SERPINA12: variants seen among roughly 807,000 people sequenced by gnomAD.
SERPINA12 encodes the protein serpin A12.
In SERPINA12, 21 loss-of-function variants were observed where a neutral mutation model predicts 25.9. That is an observed-to-expected ratio of 0.81 (90% CI 0.58 to 1.17). The LOEUF (loss-of-function observed/expected upper bound fraction) is 1.17, where lower values mean the gene tolerates loss of function less well. Ranked by LOEUF, SERPINA12 falls within the 50% of genes most tolerant of loss-of-function variation. SERPINA12 has a pLI of 0.00. For missense variants in SERPINA12, 562 were observed against 508.3 expected (o/e 1.11, Z -1.02); for synonymous variants, 220 against 196.0 (o/e 1.12, Z -1.02).
intron 3 of SERPINA12, among the ~76,000 whole-genome samples, chr14:94,491,385 T>C (rs560458555): frequency 1.3e-5 from 2 of 152,276 alleles, no homozygotes; most frequent in African/African-American, 4.8e-5. Flanking sequence ...GGGTTTTTTT[T>C]CCTGAATAAA....
At chr14:94,495,847 A>C (rs1003220760) in intron 3 of SERPINA12, among the ~76,000 whole-genome samples, 1 of 152,184 alleles carries the variant, frequency 6.6e-6, no homozygotes, top group Non-Finnish European at 1.5e-5. Context: ...GCCTGGGAGG[A>C]ATTCTGTAGG....
chr14:94,501,357 C>A (rs1261630653), intron 1 of SERPINA12, among the ~76,000 whole-genome samples: 1 of 152,086 alleles, frequency 6.6e-6, no homozygotes, highest in Non-Finnish European at 1.5e-5. Context: ...CAGGGCAGGG[C>A]TGGAGCAGGG....
Position 94,498,386 on chromosome 14 carries a change from T to G in SERPINA12, c.12A>C (p.Thr4=), listed in dbSNP as rs757255316. The G allele has an allele frequency of 1.2e-6, 2 of 1,613,022 alleles. No individual in the cohort carries two copies. Among genetic ancestry groups the G allele is most frequent in the Non-Finnish European group, 8.5e-7 (1 of 1,179,480 alleles). MNP[T]LGLAIFLAVL... is the part of the protein sequence containing the mutation. Reference sequence around the variant, plus strand: ...CAGCCAGAAAAATGGCCAGGCCTAGTGTGGGGTTCATTTTCCTTGAAGAAT... The same window carrying G: ...CAGCCAGAAAAATGGCCAGGCCTAGGGTGGGGTTCATTTTCCTTGAAGAAT... The change falls in exon 2 of 5, where the codon ACA becomes ACC. Residue 4 remains threonine, a synonymous_variant. Transcript: ENST00000677451.
chr14:94,507,023 G>A (rs1215785288), intron 1 of SERPINA12, among the ~76,000 whole-genome samples: 4 of 152,228 alleles, frequency 2.6e-5, no homozygotes, highest in Admixed American at 6.5e-5. Flanking sequence ...TATGTGACAA[G>A]GGCATCGCTA....
At chr14:94,512,672 C>T (rs1901140588), upstream of SERPINA12, among the ~76,000 whole-genome samples, 1 of 152,072 alleles carries the variant, frequency 6.6e-6, no homozygotes, top group Admixed American at 6.5e-5. Context: ...TCAAATGAAA[C>T]ATGTGTTATC....
intron 2 of SERPINA12, 24 bp from the exon 3 acceptor site, chr14:94,496,667 G>A: frequency 6.2e-7 from 1 of 1,608,742 alleles, no homozygotes; most frequent in Non-Finnish European, 8.5e-7. Flanking sequence ...AAGACAAACA[G>A]ACATGTTATC....
chr14:94,493,389 GA>G (rs1202814668), intron 3 of SERPINA12, among the ~76,000 whole-genome samples: 1 of 152,230 alleles, frequency 6.6e-6, no homozygotes, highest in Admixed American at 6.5e-5. Context: ...GGGTAGGCAA[GA>G]CATCCCTGGG....
At chr14:94,517,189 ATG>A (rs1566817955) in intron 1 of SERPINA12, among the ~76,000 whole-genome samples, 5 of 149,330 alleles carry the variant, frequency 3.3e-5, no homozygotes, top group Non-Finnish European at 7.6e-5. Flanking sequence ...CAGTGGGACC[ATG>A]TGTAGCACAG....
At chr14:94,488,335 C>T (rs1899989444) in intron 4 of SERPINA12, among the ~76,000 whole-genome samples, 1 of 151,946 alleles carries the variant, frequency 6.6e-6, no homozygotes, top group Non-Finnish European at 1.5e-5. Context: ...CTGGCTTGAA[C>T]CTCCCACTTT....
At chr14:94,510,195 T>C, upstream of SERPINA12, 2 of 985,426 alleles carry the variant, frequency 2.0e-6, no homozygotes, top group Non-Finnish European at 2.4e-6. Context: ...ATTGGATCTG[T>C]GGTTGCCTGA....
At chr14:94,510,171 C>A (rs1260887194), upstream of SERPINA12, 2 of 985,250 alleles carry the variant, frequency 2.0e-6, no homozygotes, top group African/African-American at 1.7e-5. Flanking sequence ...GTACAATGGG[C>A]AATAGGAGAC....
chr14:94,497,777 A>G lies in SERPINA12; in HGVS notation c.621T>C (p.Tyr207=), dbSNP rs1900500089. Residue 207 remains tyrosine (Y), a synonymous_variant, in exon 2 of 5, where the codon TAT becomes TAC. Transcript: ENST00000677451. The part of the protein sequence containing the change: ...DPGTVMLLAN[Y]IFFRARWKHE... ...CAAAAGCCTTACCTCGAAAGAAAATATAATTTGCAAGAAGCATCACAGTGC... is the reference window on the plus strand; with the variant it reads ...CAAAAGCCTTACCTCGAAAGAAAATGTAATTTGCAAGAAGCATCACAGTGC... 5.6e-6 allele frequency: 9 copies of G among 1,604,324 alleles called. No individual in the cohort carries two copies. The highest frequency in any genetic ancestry group is 7.7e-6 in the Non-Finnish European group (9 of 1,175,462).
intron 1 of SERPINA12, among the ~76,000 whole-genome samples, chr14:94,516,410 G>A (rs10145734): frequency 0.073 from 11,045 of 152,224 alleles, 463 homozygotes; most frequent in Middle Eastern, 0.088. Context: ...CTCGAGGAAG[G>A]GGCCGGTGTT....
chr14:94,503,286 C>G (rs1252004990), intron 1 of SERPINA12: 1 of 985,110 alleles, frequency 1.0e-6, no homozygotes, highest in Non-Finnish European at 1.2e-6. Flanking sequence ...CTTTCTCCTC[C>G]TTTCTGGAAA....
chr14:94,506,553 A>G (rs1900938235), intron 1 of SERPINA12, among the ~76,000 whole-genome samples: 1 of 152,138 alleles, frequency 6.6e-6, no homozygotes, highest in East Asian at 1.9e-4. Flanking sequence ...TATATCAAGG[A>G]TTTTGCATCC....
At chr14:94,509,945 T>A (rs1430680237), upstream of SERPINA12, 1 of 983,894 alleles carries the variant, frequency 1.0e-6, no homozygotes, top group Non-Finnish European at 1.2e-6. Flanking sequence ...TGCTATAGAA[T>A]ACCAGCCGCC....
chr14:94,491,988 C>A (rs937580640), intron 3 of SERPINA12, among the ~76,000 whole-genome samples: 1 of 152,064 alleles, frequency 6.6e-6, no homozygotes, highest in Non-Finnish European at 1.5e-5. Context: ...GGGAACTGAG[C>A]CCTGAGACAC....
chr14:94,502,195 C>A (rs1900759915), intron 1 of SERPINA12, among the ~76,000 whole-genome samples: 1 of 152,132 alleles, frequency 6.6e-6, no homozygotes, highest in Admixed American at 6.5e-5. Flanking sequence ...TATTTCAATT[C>A]TCTGATCATC....
intron 1 of SERPINA12, among the ~76,000 whole-genome samples, chr14:94,501,577 T>G (rs1218092440): frequency 6.6e-6 from 1 of 152,156 alleles, no homozygotes; most frequent in Non-Finnish European, 1.5e-5. Flanking sequence ...TTCAGTATCT[T>G]CATCTATTAA....
Sources: allele counts gnomAD v4.1 joint callset (sites outside exome capture counted in the v4.1 genomes callset), GRCh38; gene constraint gnomAD v4.1.1; transcripts MANE v1.5; gene names NCBI Gene and HGNC (gene_info 2026-07-23, HGNC 2026-07-21).